FRMD6: variants seen among roughly 807,000 people sequenced by gnomAD.
FRMD6 encodes the protein FERM domain containing 6, also known as FERM domain-containing protein 6.
FRMD6 carries 37 observed loss-of-function variants against 73.2 expected under a neutral mutation model. That is an observed-to-expected ratio of 0.51 (90% confidence interval 0.39 to 0.66). FRMD6 has a LOEUF of 0.66. FRMD6 is among the 30% of genes least tolerant of loss of function. The pLI, the probability that FRMD6 is intolerant of heterozygous loss-of-function variation, is 0.00. For synonymous variants in FRMD6, 273 were observed against 282.2 expected, an observed-to-expected ratio of 0.97 and a Z score of 0.33; for missense variants, 714 against 780.5, an observed-to-expected ratio of 0.91 and a Z score of 1.02.
intron 1 of FRMD6, among the ~76,000 whole-genome samples, chr14:51,674,834 G>A (rs1434745813): frequency 1.3e-5 from 2 of 152,098 alleles, no homozygotes; most frequent in African/African-American, 4.8e-5. Context: ...AGATGATCCA[G>A]TAAATAGGTA....
chr14:51,569,348 C>T (rs562003842), intron 1 of FRMD6, among the ~76,000 whole-genome samples: 97 of 152,158 alleles, frequency 6.4e-4, no homozygotes, highest in African/African-American at 2.3e-3. Flanking sequence ...GAAACGGTAA[C>T]CAAAATAGTT....
intron 1 of FRMD6, among the ~76,000 whole-genome samples, chr14:51,495,020 C>G (rs1336567401): frequency 6.6e-6 from 1 of 152,172 alleles, no homozygotes; most frequent in Non-Finnish European, 1.5e-5. Context: ...CGTCATTTCT[C>G]TCTTCTCACA....
chr14:51,475,983 C>G, the FRMD6 span, among the ~76,000 whole-genome samples: 5 of 152,100 alleles, frequency 3.3e-5, no homozygotes, highest in Non-Finnish European at 7.4e-5. Context: ...AACAAATGTA[C>G]CTTGCCCTCA....
chr14:51,670,749 G>A lies in FRMD6; in HGVS notation c.-147+18753G>A, dbSNP rs189327909. Among the ~76,000 whole-genome samples the A allele has an allele frequency of 8.2e-3, 1,243 of 151,670 alleles. 11 individuals are homozygous for A. The highest frequency in any genetic ancestry group is 0.011 in the Non-Finnish European group (761 of 67,910). On this transcript the variant is annotated intron_variant, in intron 1 of 13. Coordinates refer to ENST00000344768, the MANE Select transcript of FRMD6 (RefSeq NM_001267046.2). ...CAACCTCCACTTCCTGGGTTCAAGC[G>A]ATTCTCCTGCCTCAGTCTCCTGAGT... is the stretch of plus-strand genomic sequence containing the variant.
intron 1 of FRMD6, among the ~76,000 whole-genome samples, chr14:51,496,317 A>AATATAGTGGCT (rs1331382486): frequency 6.6e-6 from 1 of 152,184 alleles, no homozygotes; most frequent in Non-Finnish European, 1.5e-5. Context: ...AGCACCCCAA[A>AATATAGTGGCT]ATATAGTGGC....
At chr14:51,475,011 G>C in the FRMD6 span, among the ~76,000 whole-genome samples, 2 of 152,202 alleles carry the variant, frequency 1.3e-5, 1 homozygote, top group South Asian at 4.1e-4. Flanking sequence ...GAGCTAGACA[G>C]TCTGAATGAC....
intron 1 of FRMD6, among the ~76,000 whole-genome samples, chr14:51,680,478 G>A (rs1238553769): frequency 6.6e-6 from 1 of 152,162 alleles, no homozygotes; most frequent in East Asian, 1.9e-4. Flanking sequence ...AGTATAAACT[G>A]TCTAAGGGCT....
At chr14:51,660,783 ACT>A (rs1001004445) in intron 1 of FRMD6, among the ~76,000 whole-genome samples, 6 of 152,000 alleles carry the variant, frequency 3.9e-5, no homozygotes, top group Non-Finnish European at 8.8e-5. Context: ...GGAGGCAGGG[ACT>A]TTGCGATTTG....
At chr14:51,446,251 G>A in the FRMD6 span, among the ~76,000 whole-genome samples, 2 of 152,168 alleles carry the variant, frequency 1.3e-5, no homozygotes, top group South Asian at 2.1e-4. Context: ...AGGAACCAGA[G>A]GAGTGACCGC....
the FRMD6 span, among the ~76,000 whole-genome samples, chr14:51,465,807 G>T: frequency 1.1e-3 from 173 of 151,482 alleles, no homozygotes; most frequent in Non-Finnish European, 1.9e-3. Flanking sequence ...TTTTTTATTG[G>T]CAAATACTGT....
the FRMD6 span, among the ~76,000 whole-genome samples, chr14:51,458,737 T>C: frequency 0.11 from 16,205 of 152,286 alleles, 897 homozygotes; most frequent in South Asian, 0.15. Flanking sequence ...AATCATGGTG[T>C]CCAGTCATTT....
chr14:51,704,819 C>G lies in FRMD6; in HGVS notation c.442C>G (p.Arg148Gly), dbSNP rs771992156. ...KQVLHSQCVL[R>G]EEAYFLLAAF... ...AGTTCTTCATTCTCAGTGTGTGCTCCGAGAGGAGGCCTACTTCCTGCTGGC... is the reference window on the plus strand; with the variant it reads ...AGTTCTTCATTCTCAGTGTGTGCTCGGAGAGGAGGCCTACTTCCTGCTGGC... Residue 148 changes from arginine (R) to glycine (G), a missense_variant, in exon 6 of 14, where the codon CGA (arginine) becomes GGA (glycine). Transcript: ENST00000344768. 1.3e-5 allele frequency: 21 copies of G among 1,613,236 alleles called. No individual in the cohort carries two copies. The highest frequency in any genetic ancestry group is 2.2e-5 in the East Asian group (1 of 44,852).
the FRMD6 span, among the ~76,000 whole-genome samples, chr14:51,409,462 A>C: frequency 1.3e-4 from 19 of 150,096 alleles, no homozygotes; most frequent in Non-Finnish European, 2.7e-4. Flanking sequence ...CAGCAGTAGA[A>C]TTGGTCAAGG....
intron 2 of FRMD6, among the ~76,000 whole-genome samples, chr14:51,694,583 G>A (rs1332910810): frequency 2.0e-5 from 3 of 152,064 alleles, no homozygotes; most frequent in Non-Finnish European, 2.9e-5. Context: ...CTAGCTACTT[G>A]GAAGGCAGAG....
At chr14:51,585,263 A>C (rs1888960526) in intron 2 of FRMD6, among the ~76,000 whole-genome samples, 1 of 152,104 alleles carries the variant, frequency 6.6e-6, no homozygotes, top group Non-Finnish European at 1.5e-5. Context: ...ACCACATCTG[A>C]GTCTCTCCCC....
At chr14:51,528,312 G>T (rs1433600281) in intron 1 of FRMD6, among the ~76,000 whole-genome samples, 1 of 152,132 alleles carries the variant, frequency 6.6e-6, no homozygotes, top group Non-Finnish European at 1.5e-5. Flanking sequence ...ACCAAAATCA[G>T]TAATACTACA....
intron 2 of FRMD6, among the ~76,000 whole-genome samples, chr14:51,588,169 A>G (rs922415154): frequency 1.5e-4 from 23 of 152,156 alleles, no homozygotes; most frequent in Non-Finnish European, 1.0e-4. Context: ...TTCTCCTAAT[A>G]CAAAAAAGCA....
At chr14:51,722,974 G>A (rs1897714409) in intron 12 of FRMD6, among the ~76,000 whole-genome samples, 2 of 152,224 alleles carry the variant, frequency 1.3e-5, no homozygotes, top group South Asian at 2.1e-4. Flanking sequence ...TACCATCCTG[G>A]CACTTAGTCT....
intron 2 of FRMD6, among the ~76,000 whole-genome samples, chr14:51,586,654 C>A (rs923415905): frequency 4.6e-5 from 7 of 152,112 alleles, no homozygotes; most frequent in African/African-American, 1.7e-4. Flanking sequence ...TTGCCTTGGG[C>A]AATGTCTAGA....
Sources: allele counts gnomAD v4.1 joint callset (sites outside exome capture counted in the v4.1 genomes callset), GRCh38; gene constraint gnomAD v4.1.1; transcripts MANE v1.5; gene names NCBI Gene and HGNC (gene_info 2026-07-23, HGNC 2026-07-21).